Variants in IRAK2 observed in about 807,000 individuals in gnomAD.
The protein encoded by IRAK2 is interleukin 1 receptor associated kinase 2.
IRAK2 carries 57 observed loss-of-function variants against 72.0 expected under a neutral mutation model. The observed-to-expected ratio is 0.79, with a 90% CI of 0.64 to 0.99. IRAK2 has a LOEUF of 0.99. IRAK2 is among the 50% of genes least tolerant of loss of function. The probability of loss-of-function intolerance (pLI) is 0.00; values close to 1 mark genes in which losing one functional copy is unlikely to be tolerated. For synonymous variants in IRAK2, 293 were observed against 312.7 expected (o/e 0.94, Z 0.67); for missense variants, 790 against 794.4 (o/e 0.99, Z 0.07).
At chr3:10,223,879 C>T (rs974869858) in intron 9 of IRAK2, among the ~76,000 whole-genome samples, 3 of 152,340 alleles carry the variant, frequency 2.0e-5, no homozygotes, top group East Asian at 3.9e-4. Flanking sequence ...TGTCTGTCTA[C>T]CTCTGCTACC....
At chr3:10,171,015 A>C (rs1696786368) in intron 1 of IRAK2, among the ~76,000 whole-genome samples, 1 of 152,222 alleles carries the variant, frequency 6.6e-6, no homozygotes, top group African/African-American at 2.4e-5. Flanking sequence ...CGCTAAAGTG[A>C]TTCAGAAGAT....
intron 1 of IRAK2, among the ~76,000 whole-genome samples, chr3:10,172,393 C>T (rs1375165782): frequency 6.6e-6 from 1 of 151,360 alleles, no homozygotes; most frequent in Non-Finnish European, 1.5e-5. Context: ...AAAAAATTAG[C>T]CAGGTGTGAT....
chr3:10,235,034 A>G (rs1485848905), intron 11 of IRAK2, among the ~76,000 whole-genome samples: 1 of 152,152 alleles, frequency 6.6e-6, no homozygotes, highest in Admixed American at 6.5e-5. Flanking sequence ...GTCCCACCAC[A>G]GAGGGAGAAC....
intron 2 of IRAK2, among the ~76,000 whole-genome samples, chr3:10,186,254 C>G (rs1023469322): frequency 2.0e-5 from 3 of 151,674 alleles, no homozygotes; most frequent in African/African-American, 7.3e-5. Context: ...GGTTTGGGGA[C>G]TTGAGTGGAG....
chr3:10,215,040 C>T (rs1000810324), intron 6 of IRAK2, among the ~76,000 whole-genome samples: 3 of 150,892 alleles, frequency 2.0e-5, no homozygotes, highest in South Asian at 2.1e-4. Flanking sequence ...TGCAGTGAGC[C>T]GAGATCATGA....
chr3:10,208,147 G>C (rs1314977626), intron 3 of IRAK2, among the ~76,000 whole-genome samples: 2 of 152,100 alleles, frequency 1.3e-5, no homozygotes, highest in Non-Finnish European at 2.9e-5. Context: ...CATGGTGGCT[G>C]GTCCGCACAG....
chr3:10,210,684 G>A (rs931020459), intron 4 of IRAK2, among the ~76,000 whole-genome samples: 2 of 151,874 alleles, frequency 1.3e-5, no homozygotes, highest in African/African-American at 4.8e-5. Context: ...CCCAGGAGTT[G>A]GAGACCAGCC....
chr3:10,184,573 C>A (rs1180390290), intron 2 of IRAK2, among the ~76,000 whole-genome samples: 2 of 147,934 alleles, frequency 1.4e-5, no homozygotes, highest in East Asian at 3.9e-4. Context: ...CACCCAAATT[C>A]CATGGTGGAA....
chr3:10,200,598 T>C (rs984572588), intron 3 of IRAK2, 83 bp downstream of exon 3: 10 of 1,255,630 alleles, frequency 8.0e-6, no homozygotes, highest in African/African-American at 4.6e-5. Flanking sequence ...CAGCTTAGCA[T>C]ATAAGAGCAA....
chr3:10,210,391 T>C (rs1005026553), intron 4 of IRAK2, among the ~76,000 whole-genome samples: 1 of 152,086 alleles, frequency 6.6e-6, no homozygotes, highest in Non-Finnish European at 1.5e-5. Context: ...CAAAAATGTA[T>C]GACCATATTG....
At chr3:10,166,981 C>A (rs547088107) in intron 1 of IRAK2, among the ~76,000 whole-genome samples, 2 of 152,254 alleles carry the variant, frequency 1.3e-5, no homozygotes, top group Middle Eastern at 3.4e-3. Context: ...GGGCAGTGAA[C>A]AAACTTTGTG....
intron 9 of IRAK2, among the ~76,000 whole-genome samples, chr3:10,225,701 GT>G (rs34166203): frequency 0.23 from 32,479 of 140,988 alleles, 4,396 homozygotes; most frequent in East Asian, 0.64. Context: ...GTTTTTTGGT[GT>G]TTTTTTTTTT....
chr3:10,192,522 G>T (rs987714275), intron 2 of IRAK2, among the ~76,000 whole-genome samples: 1 of 152,308 alleles, frequency 6.6e-6, no homozygotes, highest in South Asian at 2.1e-4. Context: ...TGCATTCTAG[G>T]CTTCGCTTTC....
intron 8 of IRAK2, among the ~76,000 whole-genome samples, chr3:10,221,963 G>A (rs1351594733): frequency 1.3e-5 from 2 of 151,934 alleles, no homozygotes. Flanking sequence ...GCCCAGGCTG[G>A]AGTGCACCTC....
At chr3:10,237,285 C>T (rs113049721) in intron 11 of IRAK2, among the ~76,000 whole-genome samples, 23 of 152,170 alleles carry the variant, frequency 1.5e-4, no homozygotes, top group African/African-American at 5.3e-4. Flanking sequence ...GGATAGGGCA[C>T]TTTAGGTGTA....
At chr3:10,221,100 G>GT (rs1000156346) in intron 8 of IRAK2, among the ~76,000 whole-genome samples, 31 of 146,790 alleles carry the variant, frequency 2.1e-4, no homozygotes, top group Middle Eastern at 3.5e-3. Flanking sequence ...CGCTAAAAAA[G>GT]TTTTTTTTTT....
chr3:10,239,088 A>G (rs374697741), intron 12 of IRAK2, 49 bp downstream of exon 12: 5 of 1,458,274 alleles, frequency 3.4e-6, no homozygotes, highest in Non-Finnish European at 4.6e-6. Context: ...TGTGTCCCCA[A>G]CTTCAGCCCA....
chr3:10,165,033 G>C lies in IRAK2; in HGVS notation c.79G>C (p.Asp27His). 6.2e-7 allele frequency: 1 copy of C among 1,611,280 alleles called. No homozygotes were observed. Reference protein sequence around the residue: ...CRNMDALSEWDWMEFASYVIT... With the variant: ...CRNMDALSEWHWMEFASYVIT... ...CAACATGGACGCGCTCAGCGAGTGGGACTGGATGGAGTTCGGTGAGTGCGG... is the reference window on the plus strand; with the variant it reads ...CAACATGGACGCGCTCAGCGAGTGGCACTGGATGGAGTTCGGTGAGTGCGG... Residue 27 changes from aspartate to histidine, a missense_variant, in exon 1 of 13, where the codon GAC (aspartate) becomes CAC (histidine). Transcript: ENST00000256458.
rs370828864 is a variant in IRAK2 at position 10,204,640 on chromosome 3, T to C, written c.424+4125T>C. Among the ~76,000 whole-genome samples, 3 of 152,058 alleles carry C rather than the reference T, an allele frequency of 2.0e-5. No homozygotes were observed. In the East Asian group the frequency reaches 5.8e-4, roughly 29 times the overall value. On this transcript the variant is annotated intron_variant, in intron 3 of 12. Transcript: ENST00000256458. ...CTCAGGCGCCTGTAATCCCAGCTAC[T>C]TGGGAGGCTGAGGCAGGAGAATTGC...
Sources: gnomAD v4.1 joint callset for allele counts (sites outside exome capture counted in the v4.1 genomes callset) on GRCh38, gnomAD v4.1.1 for gene constraint, MANE v1.5 for transcripts, NCBI Gene and HGNC (gene_info 2026-07-23, HGNC 2026-07-21) for gene names.